Variants in ARHGEF7 observed in about 807,000 individuals in gnomAD.
ARHGEF7 encodes the protein PAK-interacting exchange factor beta.
In ARHGEF7, 33 loss-of-function variants were observed where a neutral mutation model predicts 109.8. The observed-to-expected ratio is 0.30, with a 90% CI of 0.23 to 0.40. The LOEUF is 0.40. ARHGEF7 is among the 10% of genes least tolerant of loss of function. The pLI, the probability that ARHGEF7 is intolerant of heterozygous loss-of-function variation, is 1.00. For missense variants in ARHGEF7, 938 were observed against 1,098.5 expected, an observed-to-expected ratio of 0.85 and a Z score of 2.07; for synonymous variants, 458 against 424.6, an observed-to-expected ratio of 1.08 and a Z score of -0.97.
intron 16 of ARHGEF7, among the ~76,000 whole-genome samples, chr13:111,284,228 T>C (rs1182894807): frequency 6.6e-6 from 1 of 152,158 alleles, no homozygotes; most frequent in Non-Finnish European, 1.5e-5. Flanking sequence ...TTGCCTGGCA[T>C]TGTGCCTCTG....
At chr13:111,170,959 C>G (rs2077545336) in intron 2 of ARHGEF7, among the ~76,000 whole-genome samples, 1 of 152,206 alleles carries the variant, frequency 6.6e-6, no homozygotes, top group Non-Finnish European at 1.5e-5. Flanking sequence ...TATCCTTTTT[C>G]TGTTGTTTGT....
intron 19 of ARHGEF7, 182 bp downstream of exon 19, chr13:111,292,476 G>A: frequency 6.9e-7 from 1 of 1,439,020 alleles, no homozygotes; most frequent in Non-Finnish European, 9.1e-7. Context: ...GTACTTTGTG[G>A]AGGCTTAACT....
intron 9 of ARHGEF7, among the ~76,000 whole-genome samples, chr13:111,270,112 C>G (rs957355250): frequency 6.6e-6 from 1 of 152,252 alleles, no homozygotes; most frequent in African/African-American, 2.4e-5. Context: ...ACCGTTTTAG[C>G]AGCTCAGACC....
chr13:111,245,626 T>C (rs967769025), intron 8 of ARHGEF7, among the ~76,000 whole-genome samples: 12 of 152,116 alleles, frequency 7.9e-5, no homozygotes, highest in African/African-American at 2.9e-4. Context: ...GCCACTACGC[T>C]CCTCACCTTC....
chr13:111,137,137 C>T (rs543140979), intron 1 of ARHGEF7, among the ~76,000 whole-genome samples: 38 of 152,190 alleles, frequency 2.5e-4, no homozygotes, highest in Non-Finnish European at 4.6e-4. Context: ...CAGGACCAGA[C>T]GGATTCACAG....
intron 2 of ARHGEF7, among the ~76,000 whole-genome samples, chr13:111,191,456 G>A (rs1365396467): frequency 1.3e-5 from 2 of 152,184 alleles, no homozygotes; most frequent in African/African-American, 4.8e-5. Flanking sequence ...GGTATTCTTG[G>A]TCTTATCAGA....
At chr13:111,168,302 G>A (rs1435781073) in intron 2 of ARHGEF7, among the ~76,000 whole-genome samples, 1 of 152,184 alleles carries the variant, frequency 6.6e-6, no homozygotes, top group Non-Finnish European at 1.5e-5. Flanking sequence ...CCCACTGTGC[G>A]ACAGCTGTGT....
intron 5 of ARHGEF7, among the ~76,000 whole-genome samples, chr13:111,219,645 G>A (rs978357948): frequency 6.8e-6 from 1 of 147,712 alleles, no homozygotes; most frequent in African/African-American, 2.5e-5. Context: ...TCGCCAACTT[G>A]TTTTTTTTTT....
intron 5 of ARHGEF7, among the ~76,000 whole-genome samples, chr13:111,230,271 T>C (rs576808559): frequency 6.6e-6 from 1 of 152,346 alleles, no homozygotes; most frequent in African/African-American, 2.4e-5. Flanking sequence ...GTGAATTTTA[T>C]TAATTTTTAG....
At position 111,271,307 on chromosome 13, in the gene ARHGEF7, G is replaced by T. The variant is rs1648185467; in HGVS notation, c.1074-2507G>T. Among the ~76,000 whole-genome samples the T allele has an allele frequency of 2.0e-5, 3 of 152,194 alleles. No homozygotes were observed. The South Asian group carries it at 6.2e-4, about 32-fold the overall frequency. Reference sequence around the variant, plus strand: ...GCTGTAGTGGCTGCAGCAGATGGGAGTCTGTCCTGGACCCTCCTCAGTTCC... The same window carrying T: ...GCTGTAGTGGCTGCAGCAGATGGGATTCTGTCCTGGACCCTCCTCAGTTCC... On this transcript the variant is annotated intron_variant, in intron 9 of 21. Transcript: ENST00000646102.
chr13:111,267,841 T>C (rs114543004), intron 9 of ARHGEF7, among the ~76,000 whole-genome samples, 171 bp downstream of exon 9: 1,769 of 152,300 alleles, frequency 0.012, 21 homozygotes, highest in Middle Eastern at 0.034. Flanking sequence ...TTTAAAATGA[T>C]GGTGAGTATT....
intron 8 of ARHGEF7, chr13:111,265,849 A>C (rs887288610): frequency 9.7e-6 from 4 of 412,658 alleles, no homozygotes; most frequent in African/African-American, 8.1e-5. Flanking sequence ...GGGTGCCTTG[A>C]TCTTAGGCTT....
rs1255878521 is a variant in ARHGEF7, at chr13:111,266,793, GT to G, written c.951-754del. The G allele has an allele frequency of 1.1e-5, 5 of 455,980 alleles. No homozygotes were observed. The highest frequency in any genetic ancestry group is 2.3e-5 in the Admixed American group (1 of 42,574). 28.2% of individuals were successfully genotyped at this position (455,980 alleles called of 1,614,324 possible). On this transcript the variant is annotated intron_variant, in intron 8 of 21. Transcript: ENST00000646102. The surrounding 1 kb of genome is among the most constrained non-coding windows in gnomAD (Gnocchi z 4.8). ...AAAGACACCCTGGGGTGCAGGGAAG[GT>G]GGTAAGAGTTCACGTGGTTCTCCTG...
intron 8 of ARHGEF7, among the ~76,000 whole-genome samples, chr13:111,260,907 ACAAT>A (rs1167731572): frequency 2.0e-5 from 3 of 152,248 alleles, no homozygotes; most frequent in Non-Finnish European, 4.4e-5. Context: ...CATTGTTTAC[ACAAT>A]CAATGTTGTC....
At chr13:111,163,107 T>C (rs967212427) in intron 2 of ARHGEF7, among the ~76,000 whole-genome samples, 19 of 152,240 alleles carry the variant, frequency 1.2e-4, no homozygotes, top group African/African-American at 4.1e-4. Flanking sequence ...GTTTATTGAC[T>C]GATTCATTGA....
intron 8 of ARHGEF7, among the ~76,000 whole-genome samples, chr13:111,246,098 A>C (rs868564960): frequency 6.6e-6 from 1 of 152,116 alleles, no homozygotes; most frequent in East Asian, 1.9e-4. Flanking sequence ...TGACTATTTT[A>C]TTTTCTTGGT....
chr13:111,129,491 A>G (rs895840896), intron 1 of ARHGEF7, among the ~76,000 whole-genome samples: 1 of 152,244 alleles, frequency 6.6e-6, no homozygotes, highest in Non-Finnish European at 1.5e-5. Context: ...CTGTTTAAGG[A>G]TTTGTGGCTA....
chr13:111,298,773 T>C (rs922743551), intron 19 of ARHGEF7, among the ~76,000 whole-genome samples: 6 of 152,212 alleles, frequency 3.9e-5, no homozygotes, highest in Admixed American at 6.5e-5. Context: ...TCCCTGACAG[T>C]GTCAGGTCTG....
chr13:111,218,817 TA>T (rs1390561554), intron 5 of ARHGEF7, among the ~76,000 whole-genome samples: 9 of 151,984 alleles, frequency 5.9e-5, no homozygotes, highest in Non-Finnish European at 8.8e-5. Context: ...CAGGGAATGT[TA>T]ATGGCTGCTA....
Sources: allele counts gnomAD v4.1 joint callset (sites outside exome capture counted in the v4.1 genomes callset), GRCh38; gene constraint gnomAD v4.1.1; non-coding constraint Gnocchi (gnomAD v3.1); transcripts MANE v1.5; gene names NCBI Gene and HGNC (gene_info 2026-07-23, HGNC 2026-07-21).